The following SNTG1 variants were observed in gnomAD, a reference collection of about 807,000 sequenced individuals.
The protein encoded by SNTG1 is gamma-1-syntrophin.
A neutral mutation model predicts 74.7 loss-of-function variants in SNTG1; 39 were observed. That is an observed-to-expected ratio of 0.52 (90% CI 0.40 to 0.68). The LOEUF (loss-of-function observed/expected upper bound fraction) is 0.68. SNTG1 is among the 30% of genes least tolerant of loss of function. The pLI is 0.00. For synonymous variants in SNTG1, 254 were observed against 217.1 expected (o/e 1.17, Z -1.49); for missense variants, 685 against 609.5 (o/e 1.12, Z -1.30).
chr8:50,294,050 T>G lies in SNTG1; in HGVS notation c.-27-100162T>G, dbSNP rs114242682. On this transcript the variant is annotated intron_variant, in intron 2 of 18. Transcript: ENST00000642720. ...ATTTACGATCTGTTATTAGGAAATG[T>G]GGAAGATTGAATCAAGTTGTGCAAA... Among the ~76,000 whole-genome samples the G allele has an allele frequency of 6.0e-3, 915 of 152,318 alleles. 9 individuals are homozygous for G. Among genetic ancestry groups the G allele is most frequent in the African/African-American group, 0.021 (862 of 41,576 alleles).
rs1461305034 is a variant in SNTG1, at chr8:50,746,674, A to C, written c.1285-5327A>C. Reference sequence around the variant, plus strand: ...ATAGACCTTACTTAATAATCTGCTGATATTAGTTTATTAACTGTGACAAGA... The same window carrying C: ...ATAGACCTTACTTAATAATCTGCTGCTATTAGTTTATTAACTGTGACAAGA... On this transcript the variant is annotated intron_variant, in intron 17 of 18. Coordinates refer to ENST00000642720, the MANE Select transcript of SNTG1 (RefSeq NM_018967.5). Among the ~76,000 whole-genome samples, 6 of 151,790 alleles carry C rather than the reference A, an allele frequency of 4.0e-5. No homozygotes were observed. The East Asian group carries it at 9.7e-4, about 25-fold the overall frequency.
At chr8:50,472,684 T>C (rs2093662687) in intron 8 of SNTG1, among the ~76,000 whole-genome samples, 3 of 151,870 alleles carry the variant, frequency 2.0e-5, no homozygotes, top group African/African-American at 7.3e-5. Context: ...TAAATCAAAA[T>C]GAAAAACTTC....
chr8:50,508,004 G>A lies in SNTG1; in HGVS notation c.466+5124G>A, dbSNP rs190942983. On this transcript the variant is annotated intron_variant, in intron 9 of 18. Transcript: ENST00000642720. ...ACATATGTATACATGTGCCATGTTG[G>A]TATGCTGCCCCCATTAACTCATCAT... Among the ~76,000 whole-genome samples the A allele has an allele frequency of 2.2e-3, 328 of 151,752 alleles. 2 individuals are homozygous for A. The highest frequency in any genetic ancestry group is 7.0e-3 in the African/African-American group (291 of 41,364).
At chr8:49,948,173 T>C (rs931099475) in intron 1 of SNTG1, among the ~76,000 whole-genome samples, 1 of 152,088 alleles carries the variant, frequency 6.6e-6, no homozygotes, top group African/African-American at 2.4e-5. Context: ...CAGAACCTCT[T>C]AATTATTCTC....
At chr8:50,200,409 C>A (rs905610184) in intron 2 of SNTG1, among the ~76,000 whole-genome samples, 1 of 152,122 alleles carries the variant, frequency 6.6e-6, no homozygotes, top group African/African-American at 2.4e-5. Flanking sequence ...ATCATAGAAA[C>A]AGACGTTGAT....
chr8:50,784,398 A>C (rs1245030701), intron 18 of SNTG1, among the ~76,000 whole-genome samples: 1 of 152,192 alleles, frequency 6.6e-6, no homozygotes, highest in East Asian at 1.9e-4. Flanking sequence ...TAACTATAGT[A>C]ATTTTACAAA....
intron 2 of SNTG1, among the ~76,000 whole-genome samples, chr8:50,236,449 A>ATTTT (rs201903542): frequency 3.1e-5 from 3 of 96,484 alleles, no homozygotes; most frequent in East Asian, 8.8e-4. Flanking sequence ...TTTAATTGTA[A>ATTTT]ATTTTTTTTT....
chr8:50,278,045 T>C (rs993542138), intron 2 of SNTG1, among the ~76,000 whole-genome samples: 22 of 152,204 alleles, frequency 1.4e-4, no homozygotes, highest in African/African-American at 5.1e-4. Context: ...TGGTGGCGTA[T>C]GCCTGTAATC....
rs144016473 is a variant in SNTG1, at chr8:50,225,365, C to G, written c.-28+52730C>G. Among the ~76,000 whole-genome samples, 5 of 152,252 alleles carry G rather than the reference C, an allele frequency of 3.3e-5. No homozygotes were observed. In the East Asian group the frequency reaches 9.7e-4, roughly 29 times the overall value. Reference sequence around the variant, plus strand: ...CTTATCTTAACCCAGACACTTATTTCGGTTGGTTCCAGGTCTTTAGATAAA... The same window carrying G: ...CTTATCTTAACCCAGACACTTATTTGGGTTGGTTCCAGGTCTTTAGATAAA... On this transcript the variant is annotated intron_variant, in intron 2 of 18. Transcript: ENST00000642720.
chr8:50,329,020 A>G (rs1042959882), intron 2 of SNTG1, among the ~76,000 whole-genome samples: 5 of 152,176 alleles, frequency 3.3e-5, no homozygotes, highest in East Asian at 3.9e-4. Context: ...AAGAGCTATA[A>G]GTCCCATGTG....
intron 13 of SNTG1, among the ~76,000 whole-genome samples, chr8:50,608,246 T>C (rs2094826703): frequency 6.6e-6 from 1 of 151,734 alleles, no homozygotes; most frequent in Non-Finnish European, 1.5e-5. Context: ...AGGTTTTCTA[T>C]ATTTCTATTG....
rs545694042 is a variant in SNTG1, at chr8:50,437,529, C to A, written c.163-1014C>A. 1.4e-4 allele frequency among the ~76,000 whole-genome samples: 21 copies of A among 152,208 alleles called. 1 individual carries two copies. Among genetic ancestry groups the A allele is most frequent in the African/African-American group, 4.6e-4 (19 of 41,538 alleles). ...TCTGTTCCACACAGTTTCCGCAGAA[C>A]AAGAGAATGAGGGAAGCAATTCATC... On this transcript the variant is annotated intron_variant, in intron 4 of 18. Transcript: ENST00000642720.
intron 1 of SNTG1, among the ~76,000 whole-genome samples, chr8:49,914,287 T>A (rs894127335): frequency 6.6e-6 from 1 of 152,018 alleles, no homozygotes; most frequent in African/African-American, 2.4e-5. Flanking sequence ...TTTGCTTTGA[T>A]AGTTATTTTG....
chr8:50,389,533 A>G lies in SNTG1; in HGVS notation c.-27-4679A>G, dbSNP rs11990159. ...AGTCTTTGCTATTGTAAATAATGCC[A>G]CAATAAACATACGTGTGCATGTGTC... On this transcript the variant is annotated intron_variant, in intron 2 of 18. Transcript: ENST00000642720. 9.4e-3 allele frequency among the ~76,000 whole-genome samples: 1,424 copies of G among 152,252 alleles called. 27 individuals carry two copies. Among genetic ancestry groups the G allele is most frequent in the African/African-American group, 0.032 (1,350 of 41,558 alleles).
chr8:49,918,057 A>G (rs1806200134), intron 1 of SNTG1, among the ~76,000 whole-genome samples: 1 of 152,220 alleles, frequency 6.6e-6, no homozygotes, highest in African/African-American at 2.4e-5. Flanking sequence ...AATGACATTT[A>G]ATAGAAACCC....
intron 15 of SNTG1, among the ~76,000 whole-genome samples, chr8:50,669,609 G>T (rs2095268805): frequency 1.3e-5 from 2 of 152,110 alleles, no homozygotes; most frequent in South Asian, 2.1e-4. Context: ...TTCTACCAGA[G>T]ATACAAGGAG....
chr8:50,359,893 CCTTT>C (rs1217556516), intron 2 of SNTG1, among the ~76,000 whole-genome samples: 5 of 152,036 alleles, frequency 3.3e-5, no homozygotes, highest in Non-Finnish European at 5.9e-5. Context: ...CACTGTGATG[CCTTT>C]CTTTCTTTTT....
At chr8:50,511,662 T>C (rs2094077037) in intron 9 of SNTG1, among the ~76,000 whole-genome samples, 1 of 152,210 alleles carries the variant, frequency 6.6e-6, no homozygotes, top group Non-Finnish European at 1.5e-5. Context: ...CCCTTTACCA[T>C]TATGTAATGG....
chr8:50,537,970 A>G (rs539781967), intron 11 of SNTG1, among the ~76,000 whole-genome samples: 1 of 152,310 alleles, frequency 6.6e-6, no homozygotes, highest in South Asian at 2.1e-4. Context: ...TAATATATGT[A>G]GTCAGATCTT....
Sources: gnomAD v4.1 joint callset for allele counts (sites outside exome capture counted in the v4.1 genomes callset) on GRCh38, gnomAD v4.1.1 for gene constraint, MANE v1.5 for transcripts, NCBI Gene and HGNC (gene_info 2026-07-23, HGNC 2026-07-21) for gene names.